TUBB8: variants seen among roughly 807,000 people sequenced by gnomAD.
TUBB8 encodes the protein tubulin beta-8 chain.
In TUBB8, 25 loss-of-function variants were observed where a neutral mutation model predicts 33.7. The observed-to-expected ratio is 0.74, with a 90% CI of 0.54 to 1.04. The LOEUF (loss-of-function observed/expected upper bound fraction) is 1.04, where lower values mean the gene tolerates loss of function less well. Ranked by LOEUF, TUBB8 falls within the 50% of genes least tolerant of loss-of-function variation. TUBB8 has a pLI of 0.00. For missense variants in TUBB8, 279 were observed against 608.0 expected, an observed-to-expected ratio of 0.46 and a Z score of 5.69; for synonymous variants, 245 against 240.1, an observed-to-expected ratio of 1.02 and a Z score of -0.19.
chr10:48,336 G>A (rs1834398008), intron 3 of TUBB8: 4 of 635,404 alleles, frequency 6.3e-6, no homozygotes, highest in Non-Finnish European at 1.1e-5. Context: ...AGACCTCGCT[G>A]CAGGTGGCTC....
intron 1 of TUBB8, among the ~76,000 whole-genome samples, chr10:64,257 A>G (rs1834638507): frequency 6.6e-6 from 1 of 151,922 alleles, no homozygotes; most frequent in Non-Finnish European, 1.5e-5. Flanking sequence ...TGGCTACCAT[A>G]TAAGTTTATT....
At chr10:76,156 A>AC (rs1238962322), upstream of TUBB8, among the ~76,000 whole-genome samples, 1 of 150,974 alleles carries the variant, frequency 6.6e-6, no homozygotes, top group East Asian at 1.9e-4. Flanking sequence ...AAAAAAAAAA[A>AC]AAAACACGAG....
upstream of TUBB8, chr10:49,376 C>G: frequency 1.2e-6 from 1 of 847,502 alleles, no homozygotes; most frequent in South Asian, 1.4e-5. Context: ...CCAGAATAAG[C>G]AACAGCTTTA....
chr10:56,776 A>T (rs1834535566), intron 1 of TUBB8, among the ~76,000 whole-genome samples: 1 of 152,164 alleles, frequency 6.6e-6, no homozygotes, highest in African/African-American at 2.4e-5. Flanking sequence ...ACACACCTAA[A>T]CTATATCATT....
intron 1 of TUBB8, among the ~76,000 whole-genome samples, chr10:70,262 T>C (rs1554742136): frequency 1.2e-5 from 1 of 83,578 alleles, no homozygotes; most frequent in African/African-American, 4.2e-5. Flanking sequence ...TTGTTGTTGT[T>C]TTGTTTTGTT....
chr10:70,990 G>C (rs1834728811), intron 1 of TUBB8, among the ~76,000 whole-genome samples: 1 of 152,050 alleles, frequency 6.6e-6, no homozygotes, highest in Non-Finnish European at 1.5e-5. Flanking sequence ...GAAAAGCTTG[G>C]AGTGACCCTT....
intron 1 of TUBB8, among the ~76,000 whole-genome samples, chr10:57,659 A>C (rs146902624): frequency 6.7e-6 from 1 of 150,170 alleles, no homozygotes; most frequent in African/African-American, 2.4e-5. Context: ...GCAGGGAGCC[A>C]TGTTCTAAGG....
chr10:75,916 A>T (rs1834807232), upstream of TUBB8, among the ~76,000 whole-genome samples: 2 of 151,868 alleles, frequency 1.3e-5, no homozygotes. Context: ...AGGCGGGTGG[A>T]TTTCCTGGGG....
At chr10:58,001 G>T (rs1834554405) in intron 1 of TUBB8, among the ~76,000 whole-genome samples, 1 of 152,198 alleles carries the variant, frequency 6.6e-6, no homozygotes, top group African/African-American at 2.4e-5. Flanking sequence ...CAACATGTGA[G>T]CATAGGTTGT....
At chr10:62,138 T>C (rs192951347) in intron 1 of TUBB8, among the ~76,000 whole-genome samples, 1 of 152,316 alleles carries the variant, frequency 6.6e-6, no homozygotes, top group Non-Finnish European at 1.5e-5. Flanking sequence ...TTGTTACTTG[T>C]TTTCTGATTG....
chr10:48,210 TGA>T (rs1393773168), intron 3 of TUBB8, 96 bp from the exon 4 acceptor site: 18 of 1,045,332 alleles, frequency 1.7e-5, no homozygotes, highest in Non-Finnish European at 2.5e-5. Flanking sequence ...ACACGTGAGG[TGA>T]GAGCACCGTT....
At chr10:65,277 AT>A (rs541386405) in intron 1 of TUBB8, among the ~76,000 whole-genome samples, 18 of 152,316 alleles carry the variant, frequency 1.2e-4, no homozygotes, top group Middle Eastern at 3.4e-3. Context: ...CTTTCTGCTA[AT>A]TTTTTTCCCC....
At chr10:55,423 A>C (rs1554740065) in intron 1 of TUBB8, among the ~76,000 whole-genome samples, 1 of 152,004 alleles carries the variant, frequency 6.6e-6, no homozygotes. Context: ...ATTCACAAAT[A>C]TTTTCTCCCA....
chr10:70,809 C>G (rs1554742221), intron 1 of TUBB8, among the ~76,000 whole-genome samples: 3 of 152,066 alleles, frequency 2.0e-5, no homozygotes, highest in African/African-American at 7.2e-5. Flanking sequence ...CGCCACTGCA[C>G]TCCAGCATGG....
At chr10:51,136 T>C (rs564159479), upstream of TUBB8, among the ~76,000 whole-genome samples, 9 of 152,272 alleles carry the variant, frequency 5.9e-5, no homozygotes, top group African/African-American at 2.2e-4. Context: ...TGATGGTTTA[T>C]TTATTTATTT....
upstream of TUBB8, among the ~76,000 whole-genome samples, chr10:75,203 G>T (rs1382083942): frequency 2.0e-5 from 3 of 149,948 alleles, no homozygotes; most frequent in Admixed American, 6.7e-5. Flanking sequence ...TTTTAAATTA[G>T]CTGTGCATGG....
At chr10:56,495 T>G (rs1834532578) in intron 1 of TUBB8, among the ~76,000 whole-genome samples, 1 of 152,274 alleles carries the variant, frequency 6.6e-6, no homozygotes, top group Non-Finnish European at 1.5e-5. Context: ...CACTGGCTTC[T>G]GCTTCTGGTG....
chr10:57,154 T>C (rs1469379681), intron 1 of TUBB8, among the ~76,000 whole-genome samples: 4 of 152,246 alleles, frequency 2.6e-5, no homozygotes, highest in African/African-American at 9.6e-5. Context: ...ACTAATGCCT[T>C]GGGACGTTTA....
chr10:50,621 T>C (rs1316004181), upstream of TUBB8, among the ~76,000 whole-genome samples: 1 of 152,200 alleles, frequency 6.6e-6, no homozygotes, highest in Non-Finnish European at 1.5e-5. Flanking sequence ...CGATGTTGTA[T>C]GGAAAAGCCC....
Sources: allele counts gnomAD v4.1 joint callset (sites outside exome capture counted in the v4.1 genomes callset), GRCh38; gene constraint gnomAD v4.1.1; transcripts MANE v1.5; gene names NCBI Gene and HGNC (gene_info 2026-07-23, HGNC 2026-07-21).